Variants in GPR158 observed in about 807,000 individuals in gnomAD.
GPR158 encodes G protein-coupled receptor 158.
A neutral mutation model predicts 78.2 loss-of-function variants in GPR158; 30 were observed. That is an observed-to-expected ratio of 0.38 (90% CI 0.29 to 0.52). GPR158 has a LOEUF of 0.52. Among genes scored for constraint, GPR158 ranks in the 20% least tolerant of loss-of-function variants. The pLI is 0.83. For synonymous variants in GPR158, 581 were observed against 591.1 expected, an observed-to-expected ratio of 0.98 and a Z score of 0.25; for missense variants, 1,463 against 1,523.5, an observed-to-expected ratio of 0.96 and a Z score of 0.66.
intron 2 of GPR158, among the ~76,000 whole-genome samples, chr10:25,260,868 T>C: frequency 6.6e-6 from 1 of 152,176 alleles, no homozygotes; most frequent in East Asian, 1.9e-4. Context: ...ATTTCTGACC[T>C]CTTAGTTTCT....
chr10:25,277,171 A>C (rs1239669830), intron 2 of GPR158, among the ~76,000 whole-genome samples: 1 of 152,046 alleles, frequency 6.6e-6, no homozygotes, highest in Non-Finnish European at 1.5e-5. Context: ...GGCTGGTCTT[A>C]AACTCCTTTC....
intron 2 of GPR158, among the ~76,000 whole-genome samples, chr10:25,273,341 G>A (rs957048402): frequency 6.6e-6 from 1 of 150,550 alleles, no homozygotes; most frequent in Non-Finnish European, 1.5e-5. Context: ...TTAACAAATG[G>A]TCTATAGTTG....
At chr10:25,426,893 G>A (rs781238111) in intron 4 of GPR158, among the ~76,000 whole-genome samples, 9 of 152,048 alleles carry the variant, frequency 5.9e-5, no homozygotes, top group Admixed American at 1.3e-4. Context: ...AGTGAAGCTC[G>A]ATAAAATGAT....
chr10:25,400,515 G>A (rs1834429575), intron 3 of GPR158, among the ~76,000 whole-genome samples: 1 of 152,202 alleles, frequency 6.6e-6, no homozygotes, highest in Non-Finnish European at 1.5e-5. Flanking sequence ...GCAGCCCAGA[G>A]ACCTTGTTCC....
At chr10:25,222,856 A>G (rs1853319168) in intron 2 of GPR158, among the ~76,000 whole-genome samples, 1 of 152,170 alleles carries the variant, frequency 6.6e-6, no homozygotes, top group Non-Finnish European at 1.5e-5. Context: ...CTGCCTAGAA[A>G]CAAGGAGATA....
intron 2 of GPR158, chr10:25,393,961 T>G (rs1181777341): frequency 6.6e-6 from 1 of 152,162 alleles, no homozygotes; most frequent in Non-Finnish European, 1.5e-5. Flanking sequence ...AGCCCAGACA[T>G]CTCTTCTAAA....
At chr10:25,270,510 G>A (rs1005265773) in intron 2 of GPR158, among the ~76,000 whole-genome samples, 5 of 152,072 alleles carry the variant, frequency 3.3e-5, no homozygotes, top group African/African-American at 1.2e-4. Context: ...GCTACAAACT[G>A]TCTACTTTTG....
At chr10:25,484,215 A>T (rs1240861577) in intron 5 of GPR158, among the ~76,000 whole-genome samples, 2 of 152,174 alleles carry the variant, frequency 1.3e-5, no homozygotes, top group Non-Finnish European at 2.9e-5. Flanking sequence ...CACACCCTGC[A>T]GCCTTGGCAT....
At chr10:25,497,410 C>T (rs111748637) in intron 5 of GPR158, among the ~76,000 whole-genome samples, 10 of 152,236 alleles carry the variant, frequency 6.6e-5, no homozygotes, top group African/African-American at 2.4e-4. Flanking sequence ...GAAATAAGAA[C>T]ATAAAGCGCC....
At chr10:25,367,460 T>C (rs1218357372) in intron 2 of GPR158, among the ~76,000 whole-genome samples, 1 of 151,836 alleles carries the variant, frequency 6.6e-6, no homozygotes, top group Admixed American at 6.6e-5. Flanking sequence ...AAGATTTCGT[T>C]TTGGCTCTTC....
intron 5 of GPR158, among the ~76,000 whole-genome samples, chr10:25,538,513 A>G (rs1836530926): frequency 6.6e-6 from 1 of 152,130 alleles, no homozygotes; most frequent in South Asian, 2.1e-4. Flanking sequence ...ATGGGTTTTC[A>G]CTATACTGCC....
intron 1 of GPR158, among the ~76,000 whole-genome samples, chr10:25,198,668 A>C (rs1411642861): frequency 2.0e-5 from 3 of 152,190 alleles, no homozygotes; most frequent in Non-Finnish European, 2.9e-5. Flanking sequence ...TTGTATAACT[A>C]ATGCTAATTG....
chr10:25,281,127 C>G (rs1488941298), intron 2 of GPR158, among the ~76,000 whole-genome samples: 1 of 135,034 alleles, frequency 7.4e-6, no homozygotes, highest in African/African-American at 2.8e-5. Context: ...AAGAGTGAAA[C>G]TCTATCTCAA....
intron 5 of GPR158, among the ~76,000 whole-genome samples, chr10:25,547,619 C>G (rs1005434600): frequency 6.6e-5 from 10 of 152,110 alleles, no homozygotes; most frequent in African/African-American, 2.4e-4. Context: ...ATGCATTTCA[C>G]AGGGTGATGG....
At chr10:25,464,424 A>G (rs567012510) in intron 4 of GPR158, among the ~76,000 whole-genome samples, 30 of 152,240 alleles carry the variant, frequency 2.0e-4, no homozygotes, top group Non-Finnish European at 2.9e-4. Context: ...TGTTAGCGAT[A>G]TATTCTTTCT....
intron 5 of GPR158, among the ~76,000 whole-genome samples, chr10:25,546,458 A>G (rs904323716): frequency 1.3e-5 from 2 of 152,032 alleles, no homozygotes; most frequent in African/African-American, 4.8e-5. Context: ...ATATTACATT[A>G]TGTTTGACAC....
At chr10:25,521,479 G>GTGC (rs572436559) in intron 5 of GPR158, among the ~76,000 whole-genome samples, 63 of 152,184 alleles carry the variant, frequency 4.1e-4, no homozygotes, top group African/African-American at 1.1e-3. Flanking sequence ...CCTTTGTCTG[G>GTGC]TGCCTCCTTG....
At chr10:25,288,053 G>C (rs1376558868) in intron 2 of GPR158, among the ~76,000 whole-genome samples, 1 of 150,752 alleles carries the variant, frequency 6.6e-6, no homozygotes, top group Non-Finnish European at 1.5e-5. Flanking sequence ...AAGTTAGGGG[G>C]GTAAAATAAT....
In GPR158 at chr10:25,396,060, A is replaced by G. The variant is rs551640586; in HGVS notation, c.1111+47A>G. Reference sequence around the variant, plus strand: ...GTATATATATGTATATACATCATATATACTATTATTACGAAGATTTTCTTT... The same window carrying G: ...GTATATATATGTATATACATCATATGTACTATTATTACGAAGATTTTCTTT... On this transcript the variant is annotated intron_variant, in intron 3 of 10. Transcript: ENST00000376351. 8 of 782,690 alleles carry G rather than the reference A, an allele frequency of 1.0e-5. No individual in the cohort carries two copies. The South Asian group carries it at 1.1e-4, about 11-fold the overall frequency. The allele number at this position is 782,690 out of a possible 1,614,324, so 48.5% of individuals were successfully genotyped here. A position where few individuals can be genotyped will look rare whatever the true frequency, so the allele number is the denominator to read the frequency against.
Sources: allele counts gnomAD v4.1 joint callset (sites outside exome capture counted in the v4.1 genomes callset), GRCh38; gene constraint gnomAD v4.1.1; transcripts MANE v1.5; gene names NCBI Gene and HGNC (gene_info 2026-07-23, HGNC 2026-07-21).